The following TANC2 variants were observed in gnomAD, a reference collection of about 807,000 sequenced individuals.
TANC2 encodes tetratricopeptide repeat, ankyrin repeat and coiled-coil containing 2, also known as protein TANC2.
TANC2 carries 26 observed loss-of-function variants against 210.5 expected under a neutral mutation model. That is an observed-to-expected ratio of 0.12 (90% CI 0.09 to 0.17). The LOEUF (loss-of-function observed/expected upper bound fraction) is 0.17, where lower values mean the gene tolerates loss of function less well. Among genes scored for constraint, TANC2 ranks in the 10% least tolerant of loss-of-function variants. The probability of loss-of-function intolerance (pLI) is 1.00; values close to 1 mark genes in which losing one functional copy is unlikely to be tolerated. For synonymous variants in TANC2, 931 were observed against 967.1 expected (o/e 0.96, Z 0.69); for missense variants, 2,129 against 2,608.9 (o/e 0.82, Z 4.01).
chr17:63,398,907 A>G (rs774132071), exon 19 of TANC2: 2 of 1,589,592 alleles, frequency 1.3e-6, no homozygotes, highest in East Asian at 2.3e-5. Flanking sequence ...GTCTCTGGGG[A>G]GAGACAGGTA....
intron 3 of TANC2, among the ~76,000 whole-genome samples, chr17:63,078,627 T>G (rs2036654834): frequency 6.6e-6 from 1 of 152,186 alleles, no homozygotes; most frequent in Admixed American, 6.5e-5. Context: ...AAATACCCTT[T>G]TGATTTTTTC....
At chr17:63,040,224 G>C (rs907113183) in intron 2 of TANC2, among the ~76,000 whole-genome samples, 1 of 152,140 alleles carries the variant, frequency 6.6e-6, no homozygotes, top group African/African-American at 2.4e-5. Context: ...CAAAATGTTT[G>C]TAAGAACGGC....
chr17:63,245,842 C>CAA (rs60766720), intron 8 of TANC2, among the ~76,000 whole-genome samples: 97 of 91,376 alleles, frequency 1.1e-3, no homozygotes, highest in African/African-American at 2.3e-3. Context: ...GACTCCTTAT[C>CAA]AAAAAAAAAA....
At position 63,420,533 on chromosome 17, in the gene TANC2, C is replaced by T. The variant is rs2048993555; in HGVS notation, c.4803C>T (p.Ser1601=). 22 of 1,613,850 alleles carry T rather than the reference C, an allele frequency of 1.4e-5. No individual in the cohort carries two copies. Among genetic ancestry groups the T allele is most frequent in the East Asian group, 2.2e-5 (1 of 44,876 alleles). The change falls in exon 28 of 28, where the codon AGC becomes AGT. Residue 1601 remains serine, a synonymous_variant. Coordinates refer to ENST00000689528, the Ensembl canonical transcript of TANC2. This position sits in a 1 kb window ranked among gnomAD's most constrained non-coding sequence, Gnocchi z 4.2. ...ATCAGGGAGGATCTTACCGTTTCAG[C>T]CCCCCTCCTGTGGGAGGACAGGGCA...
intron 14 of TANC2, among the ~76,000 whole-genome samples, chr17:63,371,952 C>CAAATGA (rs2047281209): frequency 6.6e-6 from 1 of 152,144 alleles, no homozygotes; most frequent in African/African-American, 2.4e-5. Flanking sequence ...CTCATGCCTA[C>CAAATGA]AAATGAGAGT....
intron 11 of TANC2, 104 bp downstream of exon 11, chr17:63,319,194 A>C (rs2045415596): frequency 8.5e-7 from 1 of 1,171,214 alleles, no homozygotes. Context: ...ACGTAAAGCT[A>C]TACCATGAGA....
At chr17:63,349,313 T>G (rs762835006) in intron 12 of TANC2, among the ~76,000 whole-genome samples, 4 of 152,228 alleles carry the variant, frequency 2.6e-5, no homozygotes, top group Non-Finnish European at 5.9e-5. Flanking sequence ...GTCTGGACCA[T>G]AATTTACTAC....
At chr17:63,087,845 A>G (rs1328100515) in intron 3 of TANC2, among the ~76,000 whole-genome samples, 1 of 152,170 alleles carries the variant, frequency 6.6e-6, no homozygotes, top group East Asian at 1.9e-4. Context: ...CATTCTCTAT[A>G]GTCACCTGTC....
rs2049050304 is a variant in TANC2 at position 63,422,469 on chromosome 17, T to C, written c.*514T>C. The stretch of plus-strand genomic sequence containing the variant: ...GCCCCTCCCCAGACCGCCAGCGCCC[T>C]GCAGCCACCAGGTCTGCAGTGTGCA... On this transcript the variant is annotated 3_prime_UTR_variant, in exon 28 of 28. Coordinates refer to ENST00000689528, the Ensembl canonical transcript of TANC2. 2.4e-5 allele frequency: 4 copies of C among 163,776 alleles called. No homozygotes were observed. In the South Asian group the frequency reaches 4.9e-4, roughly 20 times the overall value. The allele number at this position is 163,776 out of a possible 1,614,324, so 10.1% of individuals were successfully genotyped here.
intron 9 of TANC2, among the ~76,000 whole-genome samples, chr17:63,311,275 A>G (rs1368201937): frequency 6.6e-6 from 1 of 152,194 alleles, no homozygotes; most frequent in Non-Finnish European, 1.5e-5. Flanking sequence ...TAGTTATATA[A>G]TGGAAGAGTC....
rs369069607 is a variant in TANC2, at chr17:63,300,600, G to T, written c.1160-13788G>T. Among the ~76,000 whole-genome samples the T allele has an allele frequency of 1.1e-4, 16 of 152,232 alleles. No homozygotes were observed. The East Asian group carries it at 2.1e-3, about 20-fold the overall frequency. ...CTGCTTGTCTAATGTTGGCGTATAG[G>T]AATGCTTGTGGGTTTTGCACATTGA... On this transcript the variant is annotated intron_variant, in intron 9 of 27. Transcript: ENST00000689528.
chr17:63,176,502 G>T (rs1488790243), intron 5 of TANC2, among the ~76,000 whole-genome samples: 1 of 152,076 alleles, frequency 6.6e-6, no homozygotes, highest in African/African-American at 2.4e-5. Context: ...ATAGAAAATA[G>T]AAACTAAAAT....
intron 11 of TANC2, among the ~76,000 whole-genome samples, chr17:63,324,239 A>G (rs906596445): frequency 7.2e-5 from 11 of 152,242 alleles, no homozygotes; most frequent in Non-Finnish European, 8.8e-5. Flanking sequence ...TAATTTTAGG[A>G]AGTGTCACAG....
chr17:63,094,640 G>A (rs1416547413), intron 3 of TANC2, among the ~76,000 whole-genome samples: 2 of 152,130 alleles, frequency 1.3e-5, no homozygotes, highest in Non-Finnish European at 2.9e-5. Flanking sequence ...GAGTTTCTCT[G>A]TTAACTTGAA....
intron 2 of TANC2, among the ~76,000 whole-genome samples, chr17:63,028,945 T>C (rs1331444385): frequency 3.3e-5 from 5 of 152,060 alleles, no homozygotes; most frequent in East Asian, 3.8e-4. Flanking sequence ...TAAAAAGATA[T>C]ATGATAAAGA....
At chr17:63,072,362 G>A (rs1456305623) in intron 2 of TANC2, among the ~76,000 whole-genome samples, 4 of 152,022 alleles carry the variant, frequency 2.6e-5, no homozygotes, top group African/African-American at 9.7e-5. Context: ...AATTTCAACA[G>A]AGGCAGATCA....
intron 1 of TANC2, among the ~76,000 whole-genome samples, chr17:63,000,574 T>C (rs2033327770): frequency 6.6e-6 from 1 of 152,172 alleles, no homozygotes; most frequent in Non-Finnish European, 1.5e-5. Context: ...TTAGGGACCA[T>C]GTAGATAACA....
exon 10 of TANC2, chr17:63,314,463 A>C (rs2045247307): frequency 6.2e-7 from 1 of 1,613,916 alleles, no homozygotes; most frequent in Non-Finnish European, 8.5e-7. Flanking sequence ...ATCACTACAG[A>C]GTCAGTGTTT....
chr17:63,417,479 C>T (rs1568003178), intron 26 of TANC2, among the ~76,000 whole-genome samples: 1 of 152,042 alleles, frequency 6.6e-6, no homozygotes, highest in African/African-American at 2.4e-5. Context: ...TGCCTGTGAG[C>T]GTGTTCCTCT....
Sources: allele counts gnomAD v4.1 joint callset (sites outside exome capture counted in the v4.1 genomes callset), GRCh38; gene constraint gnomAD v4.1.1; non-coding constraint Gnocchi (gnomAD v3.1); transcripts MANE v1.5; gene names NCBI Gene and HGNC (gene_info 2026-07-23, HGNC 2026-07-21).